ALDH2: variants seen among roughly 807,000 people sequenced by gnomAD.
The protein encoded by ALDH2 is aldehyde dehydrogenase, mitochondrial.
ALDH2 carries 44 observed loss-of-function variants against 59.6 expected under a neutral mutation model. The observed-to-expected ratio is 0.74, with a 90% CI of 0.58 to 0.95. The LOEUF is 0.95. Ranked by LOEUF, ALDH2 falls within the 40% of genes least tolerant of loss-of-function variation. ALDH2 has a pLI of 0.00. For synonymous variants in ALDH2, 291 were observed against 284.0 expected, an observed-to-expected ratio of 1.02 and a Z score of -0.25; for missense variants, 570 against 696.3, an observed-to-expected ratio of 0.82 and a Z score of 2.04.
intron 1 of ALDH2, among the ~76,000 whole-genome samples, chr12:111,777,232 G>GGAT (rs1450083186): frequency 1.7e-4 from 26 of 152,300 alleles, no homozygotes; most frequent in African/African-American, 6.0e-4. Flanking sequence ...GCTGTGAAGT[G>GGAT]GAGAGGATGA....
chr12:111,788,188 A>T (rs2068326937), intron 4 of ALDH2, among the ~76,000 whole-genome samples: 1 of 151,980 alleles, frequency 6.6e-6, no homozygotes, highest in South Asian at 2.1e-4. Flanking sequence ...CCAGCCTGGG[A>T]GACAAGAGCG....
intron 11 of ALDH2, among the ~76,000 whole-genome samples, chr12:111,802,129 C>A (rs1382975786): frequency 6.6e-6 from 1 of 151,868 alleles, no homozygotes; most frequent in Non-Finnish European, 1.5e-5. Flanking sequence ...GTGGCTCACA[C>A]CTGTAAGGCC....
rs760442360 is a variant in ALDH2 at position 111,792,582 on chromosome 12, T to C, written c.899-16T>C. 1.9e-6 allele frequency: 3 copies of C among 1,606,822 alleles called. No individual in the cohort carries two copies. Among genetic ancestry groups the C allele is most frequent in the South Asian group, 1.1e-5 (1 of 90,730 alleles). ...TCCTCACTGTCACCTTTCTGTCTCC[T>C]GCCCACTTCCCGCAGTGGATTGGGC... On this transcript the variant is annotated splice_polypyrimidine_tract_variant and intron_variant, in intron 8 of 12. Transcript: ENST00000261733.
chr12:111,789,418 G>A lies in ALDH2; in HGVS notation c.441-405G>A, dbSNP rs887779661. Among the ~76,000 whole-genome samples, 190 of 151,328 alleles carry A rather than the reference G, an allele frequency of 1.3e-3. 1 individual carries two copies. Among genetic ancestry groups the A allele is most frequent in the Non-Finnish European group, 7.4e-4 (50 of 67,822 alleles). ...TGAGGTAGAGAATCGCTTGAACCTG[G>A]GGGGCCGAGGTTGCAGTGAGCCCAG... is the stretch of plus-strand genomic sequence containing the variant. On this transcript the variant is annotated intron_variant, in intron 4 of 12. Transcript: ENST00000261733.
intron 7 of ALDH2, 58 bp from the exon 8 acceptor site, chr12:111,792,003 G>C: frequency 9.2e-7 from 1 of 1,081,612 alleles, no homozygotes; most frequent in Non-Finnish European, 1.4e-6. Context: ...TGTCTATAGA[G>C]TGCTGGACTC....
chr12:111,782,879 G>A (rs887853439), intron 2 of ALDH2, among the ~76,000 whole-genome samples: 37 of 149,862 alleles, frequency 2.5e-4, no homozygotes, highest in African/African-American at 9.1e-4. Context: ...GCGAGATTTC[G>A]TCTCAAAAAA....
At chr12:111,768,334 G>A (rs1459492945) in intron 1 of ALDH2, among the ~76,000 whole-genome samples, 1 of 152,220 alleles carries the variant, frequency 6.6e-6, no homozygotes, top group Non-Finnish European at 1.5e-5. Context: ...ACACCTGCTG[G>A]TCTGGCCCTG....
In ALDH2 at chr12:111,791,508, G is replaced by C. The variant is rs2068359343; in HGVS notation, c.795+89G>C. 7.9e-6 allele frequency: 8 copies of C among 1,006,592 alleles called. No homozygotes were observed. The South Asian group carries it at 1.1e-4, about 14-fold the overall frequency. 62.4% of individuals were successfully genotyped at this position (1,006,592 alleles called of 1,614,324 possible). On this transcript the variant is annotated intron_variant, in intron 7 of 12. Transcript: ENST00000261733. ...ACGACATGCTCAAGGTGAGCTCCCG[G>C]GTGTCAAGCGGAGGCCTTTTCCTCC...
chr12:111,783,411 A>C, intron 3 of ALDH2, 113 bp downstream of exon 3: 2 of 1,326,810 alleles, frequency 1.5e-6, no homozygotes. Context: ...CACACATCTG[A>C]CACGGGACTG....
At chr12:111,783,750 T>C (rs1270113499) in intron 3 of ALDH2, among the ~76,000 whole-genome samples, 1 of 152,180 alleles carries the variant, frequency 6.6e-6, no homozygotes, top group Non-Finnish European at 1.5e-5. Flanking sequence ...GCTCAAGTAA[T>C]CCACCTGCCT....
chr12:111,768,846 C>T (rs76326141), intron 1 of ALDH2, among the ~76,000 whole-genome samples: 2,363 of 151,712 alleles, frequency 0.016, 67 homozygotes, highest in African/African-American at 0.054. Flanking sequence ...TAGTCAGGTG[C>T]GGTGGCACAT....
chr12:111,771,852 A>T (rs1211510657), intron 1 of ALDH2, among the ~76,000 whole-genome samples: 2 of 152,090 alleles, frequency 1.3e-5, no homozygotes. Context: ...TAATCTCCGC[A>T]CTTTGGGAGG....
intron 9 of ALDH2, 108 bp downstream of exon 9, chr12:111,792,890 A>G: frequency 8.1e-7 from 1 of 1,229,476 alleles, no homozygotes; most frequent in Non-Finnish European, 1.1e-6. Flanking sequence ...CAGCTCTACC[A>G]CACAGCAGCT....
chr12:111,767,742 A>G (rs1241551672), intron 1 of ALDH2, among the ~76,000 whole-genome samples: 1 of 152,204 alleles, frequency 6.6e-6, no homozygotes, highest in Non-Finnish European at 1.5e-5. Flanking sequence ...CCTGTGGTCC[A>G]TTTATTGATT....
intron 1 of ALDH2, among the ~76,000 whole-genome samples, chr12:111,772,700 G>T (rs1351920378): frequency 2.7e-5 from 4 of 147,706 alleles, no homozygotes; most frequent in Non-Finnish European, 6.0e-5. Flanking sequence ...TTGAGACAGG[G>T]TCTTGCTCTG....
At chr12:111,772,743 AACTC>A (rs565140992) in intron 1 of ALDH2, among the ~76,000 whole-genome samples, 3 of 146,438 alleles carry the variant, frequency 2.0e-5, no homozygotes, top group Non-Finnish European at 4.5e-5. Context: ...GCATGATCAT[AACTC>A]ACTGCAACCT....
chr12:111,802,142 G>A (rs2136025718), intron 11 of ALDH2, among the ~76,000 whole-genome samples: 1 of 152,004 alleles, frequency 6.6e-6, no homozygotes, highest in Non-Finnish European at 1.5e-5. Flanking sequence ...GTAAGGCCGT[G>A]GTGGTTCACA....
rs760971491 is a variant in ALDH2, at chr12:111,783,188, C to T, written c.250C>T (p.Arg84Trp). 14 of 1,612,924 alleles carry T rather than the reference C, an allele frequency of 8.7e-6. No individual in the cohort carries two copies. The highest frequency in any genetic ancestry group is 2.2e-5 in the South Asian group (2 of 90,928). Residue 84 changes from arginine (R) to tryptophan (W), a missense_variant, in exon 3 of 13, where the codon CGG (arginine) becomes TGG (tryptophan). Physicochemically the swap from Arg to Trp is moderately radical, Grantham distance 101. Coordinates refer to ENST00000261733, the MANE Select transcript of ALDH2 (RefSeq NM_000690.4). ...TGTGGACAAGGCAGTGAAGGCCGCC[C>T]GGGCCGCCTTCCAGCTGGGCTCACC... ...EDVDKAVKAA[R>W]AAFQLGSPWR... is the part of the protein sequence containing the mutation.
rs911979851 is a variant in ALDH2, at chr12:111,781,259, C to T, written c.115-659C>T. 2.6e-5 allele frequency among the ~76,000 whole-genome samples: 4 copies of T among 152,192 alleles called. No homozygotes were observed. The East Asian group carries it at 7.7e-4, about 29-fold the overall frequency. On this transcript the variant is annotated intron_variant, in intron 1 of 12. Transcript: ENST00000261733. ...TCTCTCCTCAACCTGGGACTCTGGA[C>T]TGAGCCTGTGACTCACTTTGACCAA...
Sources: gnomAD v4.1 joint callset for allele counts (sites outside exome capture counted in the v4.1 genomes callset) on GRCh38, gnomAD v4.1.1 for gene constraint, MANE v1.5 for transcripts, NCBI Gene and HGNC (gene_info 2026-07-23, HGNC 2026-07-21) for gene names.